OR52K1: variants seen among roughly 807,000 people sequenced by gnomAD.
OR52K1 encodes the protein olfactory receptor family 52 subfamily K member 1, also known as olfactory receptor 52K1.
Under a neutral mutation model 8.7 loss-of-function variants are expected in OR52K1, and 10 were observed. The observed-to-expected ratio is 1.15, with a 90% CI of 0.71 to 1.95. OR52K1 has a LOEUF of 1.95. Among genes scored for constraint, OR52K1 ranks in the 30% most tolerant of loss-of-function variants. OR52K1 has a pLI of 0.00. For missense variants in OR52K1, 431 were observed against 397.2 expected (o/e 1.08, Z -0.72); for synonymous variants, 203 against 148.5 (o/e 1.37, Z -2.67).
rs1846374404 is a variant in OR52K1 at position 4,491,529 on chromosome 11, A to G, written c.*1684A>G. ...TCACAATAGCAAAGACACGGAATCAACCTAAAGGCCTATCAACAGTTGACT... is the reference window on the plus strand; with the variant it reads ...TCACAATAGCAAAGACACGGAATCAGCCTAAAGGCCTATCAACAGTTGACT... On this transcript the variant is annotated 3_prime_UTR_variant, in exon 2 of 2. Coordinates refer to ENST00000641528, the MANE Select transcript of OR52K1 (RefSeq NM_001005171.3). 1 of 152,226 alleles carries G rather than the reference A, an allele frequency of 6.6e-6. No individual in the cohort carries two copies. Among genetic ancestry groups the G allele is most frequent in the Non-Finnish European group, 1.5e-5 (1 of 68,050 alleles). 9.4% of individuals were successfully genotyped at this position (152,226 alleles called of 1,614,324 possible). A position where few individuals can be genotyped will look rare whatever the true frequency, so the allele number is the denominator to read the frequency against.
Position 4,483,155 on chromosome 11 carries a change from A to G in OR52K1, c.-350A>G, listed in dbSNP as rs971446745. The G allele has an allele frequency of 5.0e-6, 2 of 398,498 alleles. No individual in the cohort carries two copies. The highest frequency in any genetic ancestry group is 4.1e-5 in the African/African-American group (2 of 48,638). The allele number at this position is 398,498 out of a possible 1,614,324, so 24.7% of individuals were successfully genotyped here. On this transcript the variant is annotated 5_prime_UTR_variant, in exon 1 of 2. Transcript: ENST00000641528. Reference sequence around the variant, plus strand: ...TCAAGAGGAAGAAAACGAGGCCTGAACTAGAAAGATGGCAGGGAAAGGTAA... The same window carrying G: ...TCAAGAGGAAGAAAACGAGGCCTGAGCTAGAAAGATGGCAGGGAAAGGTAA...
intron 1 of OR52K1, among the ~76,000 whole-genome samples, chr11:4,483,985 C>T (rs763562679): frequency 1.3e-5 from 2 of 152,112 alleles, no homozygotes; most frequent in African/African-American, 2.4e-5. Flanking sequence ...GTATTGTAAT[C>T]GGGATGCTTA....
chr11:4,489,511 T>A lies in OR52K1; in HGVS notation c.611T>A (p.Val204Glu), dbSNP rs1179343711. ...TTCAACAATATCTATGGCATTGCTG[T>A]GGCCATGTTTATTGTGGTGTTGGAC... Reference protein sequence around the residue: ...TSFNNIYGIAVAMFIVVLDLL... With the variant: ...TSFNNIYGIAEAMFIVVLDLL... The change falls in exon 2 of 2, where the codon GTG becomes GAG. Residue 204 changes from valine to glutamate, a missense_variant. Physicochemically the swap from Val to Glu is moderately radical, Grantham distance 121 (BLOSUM62 -2). Transcript: ENST00000641528. 2 of 1,614,128 alleles carry A rather than the reference T, an allele frequency of 1.2e-6. No individual in the cohort carries two copies. The highest frequency in any genetic ancestry group is 3.3e-5 in the Admixed American group (2 of 60,012).
rs754011367 is a variant in OR52K1 at position 4,489,803 on chromosome 11, T to A, written c.903T>A (p.Ile301=). ...TATATGGAGTCAAGACCAAGCAGAT[T>A]CGTGAGTATGTGCTCAGTCTATTCC... is the stretch of plus-strand genomic sequence containing the variant. ...PIIYGVKTKQ[I]REYVLSLFQR... The change falls in exon 2 of 2, where the codon ATT becomes ATA. Residue 301 remains isoleucine, a synonymous_variant. Coordinates refer to ENST00000641528, the MANE Select transcript of OR52K1 (RefSeq NM_001005171.3). 2 of 1,613,440 alleles carry A rather than the reference T, an allele frequency of 1.2e-6. No individual in the cohort carries two copies. The highest frequency in any genetic ancestry group is 3.3e-5 in the Admixed American group (2 of 60,004).
intron 1 of OR52K1, among the ~76,000 whole-genome samples, chr11:4,487,077 G>C (rs1846326749): frequency 6.6e-6 from 1 of 152,132 alleles, no homozygotes; most frequent in African/African-American, 2.4e-5. Context: ...ACAGTAAAAG[G>C]AATTTTTGGT....
rs1368183464 is a variant in OR52K1 at position 4,492,663 on chromosome 11, ACT to A, written c.*2822_*2823del. The A allele has an allele frequency of 6.6e-6, 1 of 152,116 alleles. No individual in the cohort carries two copies. The highest frequency in any genetic ancestry group is 2.4e-5 in the African/African-American group (1 of 41,396). 9.4% of individuals were successfully genotyped at this position (152,116 alleles called of 1,614,324 possible). ...ACTTATCTCTGCTTTTGTCTTTCAA[ACT>A]CTCATAATGAACACTTCTTCAGTCA... On this transcript the variant is annotated 3_prime_UTR_variant, in exon 2 of 2. Coordinates refer to ENST00000641528, the MANE Select transcript of OR52K1 (RefSeq NM_001005171.3).
In OR52K1 at chr11:4,489,526, T is replaced by G. The variant is rs369848783; in HGVS notation, c.626T>G (p.Val209Gly). The G allele has an allele frequency of 5.0e-6, 8 of 1,614,234 alleles. No individual in the cohort carries two copies. Among genetic ancestry groups the G allele is most frequent in the Non-Finnish European group, 6.8e-6 (8 of 1,180,044 alleles). ...GGCATTGCTGTGGCCATGTTTATTG[T>G]GGTGTTGGACCTGCTCTTTGTTATC... ...IYGIAVAMFI[V>G]VLDLLFVILS... Residue 209 changes from valine to glycine, a missense_variant, in exon 2 of 2, where the codon GTG becomes GGG. Physicochemically the swap from Val to Gly is moderately radical, Grantham distance 109 (BLOSUM62 -3). Coordinates refer to ENST00000641528, the MANE Select transcript of OR52K1 (RefSeq NM_001005171.3).
chr11:4,490,243 A>T lies in OR52K1; in HGVS notation c.*398A>T. 1 of 176,104 alleles carries T rather than the reference A, an allele frequency of 5.7e-6. No individual in the cohort carries two copies. The highest frequency in any genetic ancestry group is 1.2e-5 in the Non-Finnish European group (1 of 81,788). The allele number at this position is 176,104 out of a possible 1,614,324, so 10.9% of individuals were successfully genotyped here. A position where few individuals can be genotyped will look rare whatever the true frequency, so the allele number is the denominator to read the frequency against. On this transcript the variant is annotated 3_prime_UTR_variant, in exon 2 of 2. Transcript: ENST00000641528. Reference sequence around the variant, plus strand: ...GTACCTCAAATTTTGTGACCCCAAAACCATTATTCCTTTTAGTACTGAAAT... The same window carrying T: ...GTACCTCAAATTTTGTGACCCCAAATCCATTATTCCTTTTAGTACTGAAAT...
Position 4,489,577 on chromosome 11 carries a change from C to T in OR52K1, c.677C>T (p.Ala226Val). The T allele has an allele frequency of 6.2e-7, 1 of 1,614,230 alleles. No homozygotes were observed. Among genetic ancestry groups the T allele is most frequent in the Non-Finnish European group, 8.5e-7 (1 of 1,180,028 alleles). ...VILSYVFILQAVLQLASQEAR... is the reference protein window; with the variant it reads ...VILSYVFILQVVLQLASQEAR... The stretch of plus-strand genomic sequence containing the variant: ...CTGTCTTATGTCTTCATCCTTCAGG[C>T]AGTTCTCCAGCTTGCCTCTCAGGAG... The change falls in exon 2 of 2, where the codon GCA (alanine) becomes GTA (valine). Residue 226 changes from alanine to valine, a missense_variant. Physicochemically the swap from Ala to Val is moderately conservative, Grantham distance 64. Transcript: ENST00000641528.
rs886308607 is a variant in OR52K1, at chr11:4,483,125, A to G, written c.-380A>G. The G allele has an allele frequency of 1.8e-5, 7 of 398,482 alleles. No homozygotes were observed. Among genetic ancestry groups the G allele is most frequent in the Non-Finnish European group, 1.8e-5 (4 of 226,032 alleles). The allele number at this position is 398,482 out of a possible 1,614,324, so 24.7% of individuals were successfully genotyped here. ...CCCATCCCAGTTAAAGGGCTTCTGC[A>G]TTAGTCAAGAGGAAGAAAACGAGGC... On this transcript the variant is annotated 5_prime_UTR_variant, in exon 1 of 2. Transcript: ENST00000641528.
rs1846343257 is a variant in OR52K1, at chr11:4,488,977, A to G, written c.77A>G (p.His26Arg). Residue 26 changes from histidine to arginine, a missense_variant, in exon 2 of 2, where the codon CAT (histidine) becomes CGT (arginine). Transcript: ENST00000641528. ...LVGIPGLEHL[H>R]AWISIPFCFA... ...GGAATTCCTGGTTTGGAACACCTGC[A>G]TGCCTGGATCTCCATCCCCTTCTGC... 1 of 1,614,164 alleles carries G rather than the reference A, an allele frequency of 6.2e-7. No individual in the cohort carries two copies. The highest frequency in any genetic ancestry group is 8.5e-7 in the Non-Finnish European group (1 of 1,179,998).
chr11:4,488,818 A>T lies in OR52K1; in HGVS notation c.-83A>T. 37 of 905,428 alleles carry T rather than the reference A, an allele frequency of 4.1e-5. No individual in the cohort carries two copies. The highest frequency in any genetic ancestry group is 5.4e-5 in the Non-Finnish European group (31 of 573,248). The allele number at this position is 905,428 out of a possible 1,614,324, so 56.1% of individuals were successfully genotyped here. ...TTTGCAGGTGGGATAGCACAGGTTGAACTCTAATCATATATACTGTAGAAG... is the reference window on the plus strand; with the variant it reads ...TTTGCAGGTGGGATAGCACAGGTTGTACTCTAATCATATATACTGTAGAAG... On this transcript the variant is annotated 5_prime_UTR_variant, in exon 2 of 2. The change abolishes the stop of an existing upstream ORF in the 5' untranslated region. Transcript: ENST00000641528.
At chr11:4,488,155 A>G (rs1846335423) in intron 1 of OR52K1, among the ~76,000 whole-genome samples, 2 of 152,246 alleles carry the variant, frequency 1.3e-5, no homozygotes, top group South Asian at 2.1e-4. Flanking sequence ...CTGTATTTAC[A>G]GAGACCTGTG....
In OR52K1 at chr11:4,489,082, T is replaced by A; in HGVS notation, c.182T>A (p.Met61Lys). Residue 61 changes from methionine (M) to lysine (K), a missense_variant, in exon 2 of 2, where the codon ATG becomes AAG. Transcript: ENST00000641528. ...GCTGATGCAGCCCTCCATGAACCCA[T>A]GTACCTCTTTCTGGCCATGTTGGCA... is the stretch of plus-strand genomic sequence containing the variant. The part of the protein sequence containing the change: ...IQADAALHEP[M>K]YLFLAMLATI... 2 of 1,614,208 alleles carry A rather than the reference T, an allele frequency of 1.2e-6. No individual in the cohort carries two copies. Among genetic ancestry groups the A allele is most frequent in the South Asian group, 2.2e-5 (2 of 91,088 alleles).
rs1361837247 is a variant in OR52K1, at chr11:4,490,400, CCT to C, written c.*558_*559del. 6.5e-6 allele frequency: 1 copy of C among 153,170 alleles called. No individual in the cohort carries two copies. The highest frequency in any genetic ancestry group is 1.5e-5 in the Non-Finnish European group (1 of 68,742). 9.5% of individuals were successfully genotyped at this position (153,170 alleles called of 1,614,324 possible). On this transcript the variant is annotated 3_prime_UTR_variant, in exon 2 of 2. Coordinates refer to ENST00000641528, the MANE Select transcript of OR52K1 (RefSeq NM_001005171.3). ...ATCTATTTCTTCCATTAAGTCAATTCCTCTTTTACTTCCTTCCTGATAGACAT... is the reference window on the plus strand; with the variant it reads ...ATCTATTTCTTCCATTAAGTCAATTCCTTTTACTTCCTTCCTGATAGACAT...
Position 4,489,497 on chromosome 11 carries a change from C to A in OR52K1, c.597C>A (p.Ile199=), listed in dbSNP as rs762913808. 2.5e-6 allele frequency: 4 copies of A among 1,614,120 alleles called. No individual in the cohort carries two copies. In the African/African-American group the frequency reaches 4.0e-5, roughly 16 times the overall value. Reference sequence around the variant, plus strand: ...GTGGGGACACTAGCTTCAACAATATCTATGGCATTGCTGTGGCCATGTTTA... The same window carrying A: ...GTGGGGACACTAGCTTCAACAATATATATGGCATTGCTGTGGCCATGTTTA... ...LACGDTSFNN[I]YGIAVAMFIV... Residue 199 remains isoleucine, a synonymous_variant, in exon 2 of 2, where the codon ATC becomes ATA. Transcript: ENST00000641528.
intron 1 of OR52K1, among the ~76,000 whole-genome samples, 182 bp downstream of exon 1, chr11:4,483,358 G>A (rs1352768973): frequency 6.6e-6 from 1 of 152,218 alleles, no homozygotes; most frequent in Non-Finnish European, 1.5e-5. Flanking sequence ...TCTGGGTACA[G>A]AGGCCTTTTT....
rs1846386568 is a variant in OR52K1 at position 4,492,580 on chromosome 11, C to T, written c.*2735C>T. 6.6e-6 allele frequency: 1 copy of T among 152,166 alleles called. No homozygotes were observed. The highest frequency in any genetic ancestry group is 6.5e-5 in the Admixed American group (1 of 15,288). The allele number at this position is 152,166 out of a possible 1,614,324, so 9.4% of individuals were successfully genotyped here. The stretch of plus-strand genomic sequence containing the variant: ...TCTTGCATTTCAACTCATGACAGCT[C>T]AAGACTGAATATTTAAAGGAAATAC... On this transcript the variant is annotated 3_prime_UTR_variant, in exon 2 of 2. Coordinates refer to ENST00000641528, the MANE Select transcript of OR52K1 (RefSeq NM_001005171.3).
At chr11:4,488,128 G>A (rs757324265) in intron 1 of OR52K1, among the ~76,000 whole-genome samples, 12 of 152,164 alleles carry the variant, frequency 7.9e-5, no homozygotes, top group East Asian at 1.9e-4. Flanking sequence ...CATTTTCTCC[G>A]TATGCTTGCA....
Sources: gnomAD v4.1 joint callset for allele counts (sites outside exome capture counted in the v4.1 genomes callset) on GRCh38, gnomAD v4.1.1 for gene constraint, MANE v1.5 for transcripts, NCBI Gene and HGNC (gene_info 2026-07-23, HGNC 2026-07-21) for gene names.